MAPK4: variants seen among roughly 807,000 people sequenced by gnomAD.
MAPK4 encodes the protein mitogen-activated protein kinase 4.
A neutral mutation model predicts 47.7 loss-of-function variants in MAPK4; 22 were observed. The observed-to-expected ratio is 0.46, with a 90% CI of 0.33 to 0.66. MAPK4 has a LOEUF of 0.66. Ranked by LOEUF, MAPK4 falls within the 30% of genes least tolerant of loss-of-function variation. The pLI is 0.02. For missense variants in MAPK4, 736 were observed against 831.7 expected, an observed-to-expected ratio of 0.88 and a Z score of 1.42; for synonymous variants, 390 against 365.7, an observed-to-expected ratio of 1.07 and a Z score of -0.76.
intron 4 of MAPK4, among the ~76,000 whole-genome samples, chr18:50,724,015 C>T (rs941636339): frequency 2.0e-5 from 3 of 152,062 alleles, no homozygotes; most frequent in South Asian, 4.2e-4. Context: ...GGTTGGTACT[C>T]GACTTTTTTT....
chr18:50,666,108 G>A (rs1907587701), intron 2 of MAPK4, among the ~76,000 whole-genome samples: 1 of 152,214 alleles, frequency 6.6e-6, no homozygotes, highest in African/African-American at 2.4e-5. Flanking sequence ...ATCATATGAT[G>A]AAAGAACCTG....
At position 50,596,860 on chromosome 18, in the gene MAPK4, G is replaced by A. The variant is rs925591646; in HGVS notation, c.-871+36617G>A. Among the ~76,000 whole-genome samples the A allele has an allele frequency of 2.6e-5, 4 of 152,184 alleles. No individual in the cohort carries two copies. In the East Asian group the frequency reaches 7.7e-4, roughly 29 times the overall value. On this transcript the variant is annotated intron_variant, in intron 1 of 5. Transcript: ENST00000400384. The stretch of plus-strand genomic sequence containing the variant: ...ACAGTCTCAGCCCACGTTAATGGAA[G>A]TCGAAAGTTGAAATCATGGGAGTAA...
chr18:50,670,114 G>T (rs539099464), intron 2 of MAPK4: 1 of 148,770 alleles, frequency 6.7e-6, no homozygotes, highest in African/African-American at 2.5e-5. Flanking sequence ...AGCCGAGATC[G>T]TGCCACTGCA....
At chr18:50,614,323 A>G (rs1221022283) in intron 1 of MAPK4, among the ~76,000 whole-genome samples, 1 of 152,152 alleles carries the variant, frequency 6.6e-6, no homozygotes, top group Non-Finnish European at 1.5e-5. Flanking sequence ...GTAAATTTAA[A>G]CTAATAAATC....
At chr18:50,571,467 G>A (rs1204901642) in intron 1 of MAPK4, among the ~76,000 whole-genome samples, 1 of 152,138 alleles carries the variant, frequency 6.6e-6, no homozygotes, top group South Asian at 2.1e-4. Flanking sequence ...AGGCAGAATG[G>A]CCAGAAAGCC....
At chr18:50,728,303 T>C (rs895361416) in intron 5 of MAPK4, among the ~76,000 whole-genome samples, 49 of 152,246 alleles carry the variant, frequency 3.2e-4, no homozygotes, top group African/African-American at 1.2e-3. Context: ...TCATTTGCTC[T>C]TGGCTAGCTG....
Position 50,678,391 on chromosome 18 carries a change from G to A in MAPK4, c.546+13887G>A, listed in dbSNP as rs1200065984. Among the ~76,000 whole-genome samples, 1 of 152,186 alleles carries A rather than the reference G, an allele frequency of 6.6e-6. No individual in the cohort carries two copies. Among genetic ancestry groups the A allele is most frequent in the Non-Finnish European group, 1.5e-5 (1 of 68,028 alleles). On this transcript the variant is annotated intron_variant, in intron 2 of 5. Coordinates refer to ENST00000400384, the MANE Select transcript of MAPK4 (RefSeq NM_002747.4). This position sits in a 1 kb window ranked among gnomAD's most constrained non-coding sequence, Gnocchi z 4.2. The stretch of plus-strand genomic sequence containing the variant: ...GTTATACACTACAGGTGATATTCAA[G>A]ATATTTAACAACTGGTAAGCTTTGG...
At chr18:50,620,852 A>G (rs1454188131) in intron 1 of MAPK4, among the ~76,000 whole-genome samples, 1 of 152,184 alleles carries the variant, frequency 6.6e-6, no homozygotes, top group Admixed American at 6.5e-5. Flanking sequence ...CAAACCATCT[A>G]TCTACTTTCC....
At chr18:50,578,276 C>T (rs4081996) in intron 1 of MAPK4, among the ~76,000 whole-genome samples, 69,939 of 152,116 alleles carry the variant, frequency 0.46, 17,664 homozygotes, top group Non-Finnish European at 0.57. Context: ...GAATCTGAGC[C>T]GCTTCTAATG....
chr18:50,650,415 C>G (rs2043035882), intron 1 of MAPK4, among the ~76,000 whole-genome samples: 2 of 151,968 alleles, frequency 1.3e-5, no homozygotes, highest in African/African-American at 4.8e-5. Flanking sequence ...CACCCTGGCT[C>G]ATATCATCAG....
chr18:50,719,776 A>G (rs545185463), intron 3 of MAPK4, among the ~76,000 whole-genome samples: 1 of 152,348 alleles, frequency 6.6e-6, no homozygotes, highest in African/African-American at 2.4e-5. Context: ...ACGAGACTGT[A>G]TAATCCACAG....
chr18:50,686,120 A>C (rs772011203), intron 2 of MAPK4, among the ~76,000 whole-genome samples: 18 of 152,134 alleles, frequency 1.2e-4, no homozygotes, highest in Non-Finnish European at 2.4e-4. Context: ...CCTCGTTAGG[A>C]GTCGTGTTAC....
intron 2 of MAPK4, among the ~76,000 whole-genome samples, chr18:50,697,948 C>G (rs960604621): frequency 2.6e-5 from 4 of 152,176 alleles, no homozygotes; most frequent in African/African-American, 9.7e-5. Context: ...TTCCCTGTCA[C>G]TCTAGGAAAT....
chr18:50,622,466 A>G (rs2042740829), intron 1 of MAPK4, among the ~76,000 whole-genome samples: 2 of 152,276 alleles, frequency 1.3e-5, no homozygotes, highest in South Asian at 2.1e-4. Flanking sequence ...TGCCCTGGAC[A>G]GGAGGTGTGA....
At chr18:50,701,636 A>G (rs1283849843) in intron 2 of MAPK4, among the ~76,000 whole-genome samples, 1 of 152,138 alleles carries the variant, frequency 6.6e-6, no homozygotes, top group African/African-American at 2.4e-5. Flanking sequence ...CCTCATGCAA[A>G]CACGGCCCAC....
intron 3 of MAPK4, among the ~76,000 whole-genome samples, chr18:50,717,490 G>A (rs1454012470): frequency 6.6e-6 from 1 of 152,148 alleles, no homozygotes; most frequent in East Asian, 1.9e-4. Context: ...GGAAGGGAGG[G>A]GGAGAGTGAG....
chr18:50,660,092 G>T (rs1415837103), intron 1 of MAPK4, among the ~76,000 whole-genome samples: 1 of 152,172 alleles, frequency 6.6e-6, no homozygotes, highest in African/African-American at 2.4e-5. Context: ...CTTGTAATCA[G>T]CCCACCTAGG....
chr18:50,716,648 A>T (rs1474082545), intron 3 of MAPK4, among the ~76,000 whole-genome samples: 1 of 151,964 alleles, frequency 6.6e-6, no homozygotes, highest in Non-Finnish European at 1.5e-5. Context: ...CCTGGATTCC[A>T]TGCCCCTACA....
chr18:50,597,865 A>G (rs1304400708), intron 1 of MAPK4, among the ~76,000 whole-genome samples: 2 of 152,240 alleles, frequency 1.3e-5, no homozygotes, highest in East Asian at 3.8e-4. Context: ...AGAAAGTTAA[A>G]TGAGGTATTA....
Sources: gnomAD v4.1 joint callset for allele counts (sites outside exome capture counted in the v4.1 genomes callset) on GRCh38, gnomAD v4.1.1 for gene constraint, Gnocchi (gnomAD v3.1) non-coding constraint, MANE v1.5 for transcripts, NCBI Gene and HGNC (gene_info 2026-07-23, HGNC 2026-07-21) for gene names.